RMDN2: variants seen among roughly 807,000 people sequenced by gnomAD.
The protein encoded by RMDN2 is regulator of microtubule dynamics protein 2.
A neutral mutation model predicts 52.8 loss-of-function variants in RMDN2; 61 were observed. The ratio of observed to expected loss-of-function variants is 1.16; its 90% CI spans 0.94 to 1.43. The LOEUF is 1.43. RMDN2 is among the 40% of genes most tolerant of loss of function. RMDN2 has a pLI of 0.00. For missense variants in RMDN2, 592 were observed against 475.3 expected (o/e 1.25, Z -2.28); for synonymous variants, 180 against 153.1 (o/e 1.18, Z -1.30).
chr2:37,950,426 G>A, intron 2 of RMDN2: 3 of 1,606,074 alleles, frequency 1.9e-6, no homozygotes, highest in Non-Finnish European at 2.6e-6. Flanking sequence ...TCTAGAGTCT[G>A]CTGTCATCAC....
chr2:37,967,076 G>C (rs879687227), intron 2 of RMDN2, among the ~76,000 whole-genome samples: 2 of 152,058 alleles, frequency 1.3e-5, no homozygotes, highest in African/African-American at 2.4e-5. Flanking sequence ...TTTAAGAAGG[G>C]ATGAGGTGAT....
intron 10 of RMDN2, among the ~76,000 whole-genome samples, chr2:38,051,224 G>A (rs115122776): frequency 0.011 from 1,730 of 151,354 alleles, 36 homozygotes; most frequent in African/African-American, 0.04. Flanking sequence ...TCGGAGTCAT[G>A]CAAATTCACC....
At chr2:37,949,421 T>C (rs1296966430) in intron 2 of RMDN2, among the ~76,000 whole-genome samples, 2 of 152,154 alleles carry the variant, frequency 1.3e-5, no homozygotes, top group Non-Finnish European at 2.9e-5. Flanking sequence ...GCCCTCTGCA[T>C]TGCCCCTGTG....
At chr2:37,965,579 C>T (rs1272695871) in intron 2 of RMDN2, among the ~76,000 whole-genome samples, 1 of 152,052 alleles carries the variant, frequency 6.6e-6, no homozygotes, top group African/African-American at 2.4e-5. Flanking sequence ...AATCTAGAAT[C>T]ATTAATATAG....
chr2:38,044,666 G>A (rs976826368), intron 10 of RMDN2, among the ~76,000 whole-genome samples: 1 of 151,276 alleles, frequency 6.6e-6, no homozygotes, highest in Admixed American at 6.6e-5. Flanking sequence ...ACTTGGTTGT[G>A]TTCACTCTGC....
At chr2:37,979,038 G>A (rs915996676) in intron 4 of RMDN2, among the ~76,000 whole-genome samples, 1 of 152,094 alleles carries the variant, frequency 6.6e-6, no homozygotes, top group Non-Finnish European at 1.5e-5. Context: ...CTAAAATGAA[G>A]CATAGAATTG....
rs749036310 is a variant in RMDN2, at chr2:38,067,016, C to T, written c.*26C>T. On this transcript the variant is annotated 3_prime_UTR_variant, in exon 11 of 11. Coordinates refer to the RMDN2 transcript ENST00000234195. ...TCTGGAAGATAAAGAGCCTTTGGTA[C>T]CGCAAGCCCTGTCATCTGTGAGTGT... 2.7e-5 allele frequency: 43 copies of T among 1,612,688 alleles called. No individual in the cohort carries two copies. The Admixed American group carries it at 6.8e-4, about 26-fold the overall frequency.
chr2:37,991,558 T>G (rs1354379145), intron 7 of RMDN2, among the ~76,000 whole-genome samples: 1 of 152,166 alleles, frequency 6.6e-6, no homozygotes, highest in African/African-American at 2.4e-5. Context: ...GTATGTTATA[T>G]GCCACATTTT....
At chr2:37,944,376 T>A (rs1041359281) in intron 2 of RMDN2, among the ~76,000 whole-genome samples, 2 of 150,922 alleles carry the variant, frequency 1.3e-5, no homozygotes, top group African/African-American at 2.4e-5. Context: ...GACCATACAG[T>A]CTCCGTCTCA....
chr2:37,925,963 T>A (rs1212132812), intron 1 of RMDN2, among the ~76,000 whole-genome samples: 1 of 152,126 alleles, frequency 6.6e-6, no homozygotes, highest in African/African-American at 2.4e-5. Context: ...TTAAAATAAA[T>A]TATAAAATAC....
At chr2:37,949,090 C>T (rs981529413) in intron 2 of RMDN2, among the ~76,000 whole-genome samples, 4 of 152,092 alleles carry the variant, frequency 2.6e-5, no homozygotes, top group Admixed American at 6.6e-5. Flanking sequence ...GACCTTAGTG[C>T]GGCTTAGGAA....
chr2:37,999,046 A>G (rs145498744), intron 8 of RMDN2, among the ~76,000 whole-genome samples: 199 of 152,336 alleles, frequency 1.3e-3, no homozygotes, highest in African/African-American at 4.4e-3. Context: ...CTGTACTCAA[A>G]ACTCATTTCC....
chr2:37,978,688 G>T (rs1672890207), intron 4 of RMDN2, among the ~76,000 whole-genome samples: 2 of 152,078 alleles, frequency 1.3e-5, no homozygotes, highest in South Asian at 4.1e-4. Flanking sequence ...TGAGGTGGGA[G>T]GATCGTTTGA....
In RMDN2 at chr2:38,017,352, T is replaced by G; in HGVS notation, c.*113T>G. The G allele has an allele frequency of 7.1e-7, 1 of 1,405,356 alleles. No individual in the cohort carries two copies. The highest frequency in any genetic ancestry group is 9.3e-7 in the Non-Finnish European group (1 of 1,074,478). The allele number at this position is 1,405,356 out of a possible 1,614,324, so 87.1% of individuals were successfully genotyped here. A position where few individuals can be genotyped will look rare whatever the true frequency, so the allele number is the denominator to read the frequency against. On this transcript the variant is annotated 3_prime_UTR_variant, in exon 11 of 11. Transcript: ENST00000354545. ...GATGTAAGGGTATTGTGCTTAGATT[T>G]GAAGGTAAAGCCATGTTTCTGCAGA...
intron 10 of RMDN2, among the ~76,000 whole-genome samples, chr2:38,035,663 T>C (rs1199756840): frequency 6.6e-6 from 1 of 151,942 alleles, no homozygotes; most frequent in African/African-American, 2.4e-5. Context: ...GTAAAATGAG[T>C]TATTCAATAA....
intron 10 of RMDN2, among the ~76,000 whole-genome samples, chr2:38,008,434 T>G (rs1677437998): frequency 6.6e-6 from 1 of 152,260 alleles, no homozygotes; most frequent in Non-Finnish European, 1.5e-5. Flanking sequence ...CTCTCCTTGT[T>G]GAATTGATCC....
intron 6 of RMDN2, 23 bp downstream of exon 6, chr2:37,989,639 ATTTC>A (rs769573158): frequency 6.9e-7 from 1 of 1,455,872 alleles, no homozygotes; most frequent in Non-Finnish European, 9.5e-7. Flanking sequence ...TTTTTTTCAT[ATTTC>A]TTTTCAGATC....
intron 7 of RMDN2, among the ~76,000 whole-genome samples, chr2:37,996,264 C>CA (rs970429002): frequency 9.2e-5 from 14 of 151,992 alleles, no homozygotes; most frequent in African/African-American, 3.1e-4. Flanking sequence ...AAAATTATGT[C>CA]AAAAAATAAG....
At chr2:38,033,678 TTA>T (rs1680374915) in intron 10 of RMDN2, among the ~76,000 whole-genome samples, 4 of 152,240 alleles carry the variant, frequency 2.6e-5, no homozygotes, top group African/African-American at 9.6e-5. Flanking sequence ...ATAAATACTT[TTA>T]AAGTTGAATT....
Sources: allele counts gnomAD v4.1 joint callset (sites outside exome capture counted in the v4.1 genomes callset), GRCh38; gene constraint gnomAD v4.1.1; transcripts MANE v1.5; gene names NCBI Gene and HGNC (gene_info 2026-07-23, HGNC 2026-07-21).